TSN: variants seen among roughly 807,000 people sequenced by gnomAD.
The protein encoded by TSN is translin, also known as component 3 of promoter of RISC.
TSN carries 5 observed loss-of-function variants against 29.4 expected under a neutral mutation model. The observed-to-expected ratio is 0.17, with a 90% CI of 0.09 to 0.36. The LOEUF (loss-of-function observed/expected upper bound fraction) is 0.36. Ranked by LOEUF, TSN falls within the 10% of genes least tolerant of loss-of-function variation. TSN has a pLI of 1.00. For missense variants in TSN, 159 were observed against 272.8 expected (o/e 0.58, Z 2.94); for synonymous variants, 106 against 102.2 (o/e 1.04, Z -0.23).
chr2:121,760,626 A>G (rs2074811639), intron 3 of TSN, among the ~76,000 whole-genome samples: 1 of 152,106 alleles, frequency 6.6e-6, no homozygotes, highest in Non-Finnish European at 1.5e-5. Flanking sequence ...CTAGCTCAGT[A>G]TTCTATTTTA....
rs953805027 is a variant in TSN, at chr2:121,766,763, C to T, written c.*1396C>T. 6.6e-5 allele frequency: 10 copies of T among 152,194 alleles called. No homozygotes were observed. Among genetic ancestry groups the T allele is most frequent in the African/African-American group, 2.4e-4 (10 of 41,456 alleles). The allele number at this position is 152,194 out of a possible 1,614,324, so 9.4% of individuals were successfully genotyped here. A position where few individuals can be genotyped will look rare whatever the true frequency, so the allele number is the denominator to read the frequency against. On this transcript the variant is annotated 3_prime_UTR_variant, in exon 6 of 6. Coordinates refer to ENST00000389682, the MANE Select transcript of TSN (RefSeq NM_004622.3). ...GAAGTATCTAAAAGTGTCACCTTTT[C>T]TTGCCTGATCAACAATTTGGGCTTC...
At chr2:121,762,193 T>C (rs979089489) in intron 4 of TSN, among the ~76,000 whole-genome samples, 69 of 152,064 alleles carry the variant, frequency 4.5e-4, no homozygotes, top group African/African-American at 1.6e-3. Context: ...GGTTTCTCCA[T>C]GTTGGTCGGG....
chr2:121,762,271 C>T (rs929971627), intron 4 of TSN, among the ~76,000 whole-genome samples: 1 of 152,066 alleles, frequency 6.6e-6, no homozygotes, highest in African/African-American at 2.4e-5. Flanking sequence ...GGATTACAGG[C>T]GTGAGTGACC....
chr2:121,759,185 A>G (rs2074787942), intron 3 of TSN, among the ~76,000 whole-genome samples: 1 of 152,238 alleles, frequency 6.6e-6, no homozygotes, highest in Admixed American at 6.5e-5. Flanking sequence ...TGAAGCTTGA[A>G]TTTCACTGCC....
At chr2:121,761,654 G>T in intron 4 of TSN, 130 bp downstream of exon 4, 1 of 700,034 alleles carries the variant, frequency 1.4e-6, no homozygotes. Flanking sequence ...TTGTAGCTTG[G>T]TATCTGAGGA....
intron 3 of TSN, among the ~76,000 whole-genome samples, chr2:121,760,666 A>T (rs2074812516): frequency 1.3e-5 from 2 of 152,222 alleles, no homozygotes; most frequent in South Asian, 4.1e-4. Flanking sequence ...TGCAAATGGT[A>T]ATTTTGTGAA....
rs1321084298 is a variant in TSN at position 121,766,432 on chromosome 2, C to A, written c.*1065C>A. ...CAGCCTGGGCAACAAAGTGAGACTC[C>A]ATCTCTATATAAAAACAAAAACCAC... is the stretch of plus-strand genomic sequence containing the variant. On this transcript the variant is annotated 3_prime_UTR_variant, in exon 6 of 6. Coordinates refer to ENST00000389682, the MANE Select transcript of TSN (RefSeq NM_004622.3). 6.6e-6 allele frequency: 1 copy of A among 151,426 alleles called. No individual in the cohort carries two copies. Among genetic ancestry groups the A allele is most frequent in the African/African-American group, 2.5e-5 (1 of 40,770 alleles). 9.4% of individuals were successfully genotyped at this position (151,426 alleles called of 1,614,324 possible).
At chr2:121,764,164 G>A (rs1449270045) in intron 5 of TSN, among the ~76,000 whole-genome samples, 2 of 152,196 alleles carry the variant, frequency 1.3e-5, no homozygotes, top group African/African-American at 4.8e-5. Context: ...GTGGGTATGT[G>A]TGCATTGAAA....
rs1204592773 is a variant in TSN, at chr2:121,765,947, T to G, written c.*580T>G. 6.6e-6 allele frequency: 1 copy of G among 152,650 alleles called. No individual in the cohort carries two copies. The highest frequency in any genetic ancestry group is 1.9e-4 in the East Asian group (1 of 5,208). 9.5% of individuals were successfully genotyped at this position (152,650 alleles called of 1,614,324 possible). A position where few individuals can be genotyped will look rare whatever the true frequency, so the allele number is the denominator to read the frequency against. ...TCACTGCCATCAAACTGTAAAAGAT[T>G]AAACTGCGAAGTCAAGCTCAACAGA... is the stretch of plus-strand genomic sequence containing the variant. On this transcript the variant is annotated 3_prime_UTR_variant, in exon 6 of 6. Transcript: ENST00000389682.
intron 4 of TSN, 151 bp downstream of exon 4, chr2:121,761,675 A>G (rs2074830508): frequency 3.1e-6 from 2 of 645,834 alleles, no homozygotes; most frequent in Non-Finnish European, 5.4e-6. Flanking sequence ...TGATGCTTCC[A>G]GAGCTCTTCC....
rs562983871 is a variant in TSN, at chr2:121,763,420, T to C, written c.453+336T>C. 1.4e-3 allele frequency among the ~76,000 whole-genome samples: 211 copies of C among 152,244 alleles called. 1 individual carries two copies. Among genetic ancestry groups the C allele is most frequent in the African/African-American group, 4.8e-3 (198 of 41,542 alleles). On this transcript the variant is annotated intron_variant, in intron 5 of 5. Coordinates refer to ENST00000389682, the MANE Select transcript of TSN (RefSeq NM_004622.3). ...TTGGCCTCCCAGAGTGCTGGGATTA[T>C]AGGCGTGAGCCACTGTGCCTGGCCC...
chr2:121,758,746 G>T lies in TSN; in HGVS notation c.197G>T (p.Gly66Val), dbSNP rs564173675. 2.5e-5 allele frequency: 39 copies of T among 1,587,314 alleles called. No homozygotes were observed. The South Asian group carries it at 4.3e-4, about 17-fold the overall frequency. Residue 66 changes from glycine to valine, a missense_variant, in exon 3 of 6, where the codon GGT (glycine) becomes GTT (valine). Gly to Val is a moderately radical substitution (Grantham distance 109). Coordinates refer to ENST00000389682, the MANE Select transcript of TSN (RefSeq NM_004622.3). ...TGTTTGAAAGCTCGAGAACATTTTGGTACAGTAAAAACACATCTAACATCT... is the reference window on the plus strand; with the variant it reads ...TGTTTGAAAGCTCGAGAACATTTTGTTACAGTAAAAACACATCTAACATCT... ...KRCLKAREHF[G>V]TVKTHLTSLK...
intron 1 of TSN, chr2:121,756,303 G>A: frequency 4.0e-6 from 1 of 248,574 alleles, no homozygotes; most frequent in Non-Finnish European, 8.2e-6. Flanking sequence ...TGTGTATGAT[G>A]TTCACTTTAC....
In TSN at chr2:121,767,481, G is replaced by A. The variant is rs1284355682; in HGVS notation, c.*2114G>A. 1.3e-5 allele frequency: 2 copies of A among 152,086 alleles called. No individual in the cohort carries two copies. Among genetic ancestry groups the A allele is most frequent in the Non-Finnish European group, 2.9e-5 (2 of 68,028 alleles). 9.4% of individuals were successfully genotyped at this position (152,086 alleles called of 1,614,324 possible). A position where few individuals can be genotyped will look rare whatever the true frequency, so the allele number is the denominator to read the frequency against. On this transcript the variant is annotated 3_prime_UTR_variant, in exon 6 of 6. Transcript: ENST00000389682. ...ATTTGTGTGTTATACCTTGATTGGG[G>A]AATTAAAAGTCATTTAACTGAAGAT...
intron 4 of TSN, 36 bp downstream of exon 4, chr2:121,761,560 G>T: frequency 2.0e-6 from 3 of 1,505,652 alleles, no homozygotes; most frequent in Non-Finnish European, 2.8e-6. Context: ...GCAGAATCAG[G>T]CATGGTTGCT....
rs868508973 is a variant in TSN at position 121,756,428 on chromosome 2, A to G, written c.66+583A>G. On this transcript the variant is annotated intron_variant, in intron 1 of 5. Transcript: ENST00000389682. ...TCTCATTGGCGTCACAGTCTAAGCGATCTATTTCCTGTTATGTTTTCTAGT... is the reference window on the plus strand; with the variant it reads ...TCTCATTGGCGTCACAGTCTAAGCGGTCTATTTCCTGTTATGTTTTCTAGT... 5.5e-5 allele frequency: 14 copies of G among 254,652 alleles called. No individual in the cohort carries two copies. In the Middle Eastern group the frequency reaches 6.8e-3, roughly 124 times the overall value. The allele number at this position is 254,652 out of a possible 1,614,324, so 15.8% of individuals were successfully genotyped here.
Position 121,755,669 on chromosome 2 carries a change from G to C in TSN, c.-111G>C. 1 of 1,445,130 alleles carries C rather than the reference G, an allele frequency of 6.9e-7. No homozygotes were observed. The highest frequency in any genetic ancestry group is 9.5e-7 in the Non-Finnish European group (1 of 1,047,426). The allele number at this position is 1,445,130 out of a possible 1,614,324, so 89.5% of individuals were successfully genotyped here. A position where few individuals can be genotyped will look rare whatever the true frequency, so the allele number is the denominator to read the frequency against. ...TAGCGACGGTCGTGGCGTAAGACCG[G>C]GGGGACGCGGCGGTAGCGGCGGCCG... On this transcript the variant is annotated 5_prime_UTR_variant, in exon 1 of 6. Transcript: ENST00000389682.
chr2:121,761,495 C>G lies in TSN; in HGVS notation c.344C>G (p.Thr115Ser). The G allele has an allele frequency of 2.5e-6, 4 of 1,614,094 alleles. No homozygotes were observed. Among genetic ancestry groups the G allele is most frequent in the Non-Finnish European group, 3.4e-6 (4 of 1,179,974 alleles). Residue 115 changes from threonine to serine, a missense_variant, in exon 4 of 6, where the codon ACT becomes AGT. Around this residue, in one of 3 missense-constraint regions of TSN, gnomAD observed 85 missense variants for 178.1 expected, o/e 0.48. Transcript: ENST00000389682. ...TATTTGGAAACAGAAACACTAGTGACTCGAGAAGCAGTTACAGAAATTCTT... is the reference window on the plus strand; with the variant it reads ...TATTTGGAAACAGAAACACTAGTGAGTCGAGAAGCAGTTACAGAAATTCTT... ...VVYLETETLV[T>S]REAVTEILGI...
chr2:121,763,377 C>A (rs1006439391), intron 5 of TSN, among the ~76,000 whole-genome samples: 1 of 152,108 alleles, frequency 6.6e-6, no homozygotes, highest in Non-Finnish European at 1.5e-5. Flanking sequence ...GATCTCCTGA[C>A]CTCGTGATCC....
Sources: allele counts gnomAD v4.1 joint callset (sites outside exome capture counted in the v4.1 genomes callset), GRCh38; gene constraint gnomAD v4.1.1; regional missense constraint gnomAD v4.1.1; transcripts MANE v1.5; gene names NCBI Gene and HGNC (gene_info 2026-07-23, HGNC 2026-07-21).